Variants in TNR observed in about 807,000 individuals in gnomAD.
The protein encoded by TNR is tenascin R.
A neutral mutation model predicts 150.4 loss-of-function variants in TNR; 45 were observed. The observed-to-expected ratio is 0.30, with a 90% CI of 0.24 to 0.38. TNR has a LOEUF of 0.38. Among genes scored for constraint, TNR ranks in the 10% least tolerant of loss-of-function variants. The pLI, the probability that TNR is intolerant of heterozygous loss-of-function variation, is 1.00. For missense variants in TNR, 1,544 were observed against 1,759.1 expected (o/e 0.88, Z 2.19); for synonymous variants, 687 against 678.4 (o/e 1.01, Z -0.20).
chr1:175,500,987 C>T (rs1203593769), intron 2 of TNR, among the ~76,000 whole-genome samples: 4 of 152,152 alleles, frequency 2.6e-5, no homozygotes, highest in Admixed American at 6.5e-5. Context: ...CATTTCCATC[C>T]CCTGGTATAC....
chr1:175,396,240 CT>C (rs1290663830), intron 5 of TNR, among the ~76,000 whole-genome samples: 2 of 152,230 alleles, frequency 1.3e-5, no homozygotes, highest in Non-Finnish European at 2.9e-5. Flanking sequence ...ATGTCTTACA[CT>C]TTCCTTGACT....
chr1:175,610,889 A>G (rs1401375361), intron 1 of TNR, among the ~76,000 whole-genome samples: 3 of 152,208 alleles, frequency 2.0e-5, no homozygotes, highest in Non-Finnish European at 2.9e-5. Context: ...GAAAGAATAC[A>G]TTCTGTAGGG....
chr1:175,447,345 C>G (rs1426025041), intron 2 of TNR, among the ~76,000 whole-genome samples: 1 of 152,096 alleles, frequency 6.6e-6, no homozygotes, highest in Non-Finnish European at 1.5e-5. Context: ...CCATTCTCCC[C>G]ACTCCTCCTT....
intron 2 of TNR, among the ~76,000 whole-genome samples, chr1:175,424,591 C>T (rs1654888375): frequency 6.6e-6 from 1 of 152,148 alleles, no homozygotes; most frequent in Non-Finnish European, 1.5e-5. Flanking sequence ...GTCTGCTCTC[C>T]CTGACTCTGG....
chr1:175,532,032 ACCTGCTGGGCCAGGTGAGAT>A lies in TNR; in HGVS notation c.-164-3683_-164-3664del, dbSNP rs1413697637. Among the ~76,000 whole-genome samples, 3 of 152,242 alleles carry A rather than the reference ACCTGCTGGGCCAGGTGAGAT, an allele frequency of 2.0e-5. No homozygotes were observed. The East Asian group carries it at 5.8e-4, about 29-fold the overall frequency. On this transcript the variant is annotated intron_variant, in intron 1 of 22. Transcript: ENST00000367674. ...GAGTCATGGACTTTAGAAGAAAGAC[ACCTGCTGGGCCAGGTGAGAT>A]CCAACAATCAAAAACTGCAGAGATT...
intron 1 of TNR, among the ~76,000 whole-genome samples, chr1:175,689,072 C>T (rs1666282857): frequency 6.6e-6 from 1 of 152,234 alleles, no homozygotes; most frequent in African/African-American, 2.4e-5. Context: ...TCTTGGCATC[C>T]TGCAGGCCTC....
intron 1 of TNR, among the ~76,000 whole-genome samples, chr1:175,665,498 C>G (rs1367819328): frequency 1.3e-5 from 2 of 152,178 alleles, no homozygotes; most frequent in African/African-American, 4.8e-5. Context: ...CATCAGAGGA[C>G]AGCCGAGGGA....
intron 1 of TNR, among the ~76,000 whole-genome samples, chr1:175,687,907 CG>C (rs1461456615): frequency 2.6e-5 from 4 of 151,954 alleles, no homozygotes; most frequent in African/African-American, 9.7e-5. Context: ...GCAAGCTGGG[CG>C]TGAATACACC....
In TNR at chr1:175,479,033, G is replaced by A. The variant is rs887779940; in HGVS notation, c.-64+49236C>T. Reference sequence around the variant, plus strand: ...ATTACCTTATTTCATCTTTACAATAGGTGCTTGACACTATTACCTCCATTT... The same window carrying A: ...ATTACCTTATTTCATCTTTACAATAAGTGCTTGACACTATTACCTCCATTT... On this transcript the variant is annotated intron_variant, in intron 2 of 22. Coordinates refer to ENST00000367674, the MANE Select transcript of TNR (RefSeq NM_003285.3). 5.9e-5 allele frequency among the ~76,000 whole-genome samples: 9 copies of A among 152,198 alleles called. No homozygotes were observed. In the South Asian group the frequency reaches 1.7e-3, roughly 28 times the overall value.
chr1:175,590,787 C>T lies in TNR; in HGVS notation c.-164-62418G>A, dbSNP rs551021120. On this transcript the variant is annotated intron_variant, in intron 1 of 22. Transcript: ENST00000367674. ...AAAGTGAAAGCAAAGCAGGTAATAG[C>T]AGGAGGTAAGCTCAGAGAGGTAGTC... Among the ~76,000 whole-genome samples, 5 of 152,342 alleles carry T rather than the reference C, an allele frequency of 3.3e-5. No homozygotes were observed. In the East Asian group the frequency reaches 9.6e-4, roughly 29 times the overall value.
intron 2 of TNR, among the ~76,000 whole-genome samples, chr1:175,438,893 G>A (rs1453412160): frequency 6.6e-6 from 1 of 151,928 alleles, no homozygotes; most frequent in African/African-American, 2.4e-5. Context: ...ACAAATGGAA[G>A]AACATTCCAT....
At chr1:175,364,982 CA>C (rs1651763998) in intron 12 of TNR, 27 bp downstream of exon 12, 5 of 1,574,254 alleles carry the variant, frequency 3.2e-6, no homozygotes, top group Non-Finnish European at 3.5e-6. Flanking sequence ...CCCCTTTCAT[CA>C]CCTGCTGCCA....
chr1:175,363,971 C>T, intron 12 of TNR, 144 bp from the exon 13 acceptor site: 1 of 994,428 alleles, frequency 1.0e-6, no homozygotes, highest in East Asian at 2.8e-5. Flanking sequence ...ATCTTAAAAC[C>T]ATGGTCACGC....
intron 1 of TNR, among the ~76,000 whole-genome samples, chr1:175,619,341 G>C (rs1473051446): frequency 6.6e-6 from 1 of 152,112 alleles, no homozygotes; most frequent in Non-Finnish European, 1.5e-5. Flanking sequence ...ATAAAACTTC[G>C]TGCAGAATGT....
At chr1:175,679,212 G>A (rs1022676506) in intron 1 of TNR, among the ~76,000 whole-genome samples, 3 of 152,230 alleles carry the variant, frequency 2.0e-5, no homozygotes, top group Non-Finnish European at 2.9e-5. Context: ...GTGCTTCGGA[G>A]CAAAGCTGCA....
intron 2 of TNR, among the ~76,000 whole-genome samples, chr1:175,510,941 G>A (rs540444374): frequency 4.2e-4 from 64 of 152,332 alleles, no homozygotes; most frequent in African/African-American, 1.4e-3. Context: ...CTAGTTTAGA[G>A]TAGAATTACT....
chr1:175,402,361 C>CT (rs765661528), intron 4 of TNR, among the ~76,000 whole-genome samples: 1,430 of 126,256 alleles, frequency 0.011, 20 homozygotes, highest in African/African-American at 0.033. Flanking sequence ...CAATGAGATA[C>CT]TTTTTTTTTT....
intron 1 of TNR, among the ~76,000 whole-genome samples, chr1:175,603,596 C>T (rs1442195537): frequency 2.0e-5 from 3 of 152,200 alleles, no homozygotes; most frequent in African/African-American, 7.2e-5. Flanking sequence ...AAGAGTGATG[C>T]TAGTGGTTAA....
chr1:175,509,794 C>T (rs1231143610), intron 2 of TNR, among the ~76,000 whole-genome samples: 2 of 152,200 alleles, frequency 1.3e-5, no homozygotes, highest in African/African-American at 4.8e-5. Flanking sequence ...ATGTAGAGAT[C>T]TCTGGACCAG....
Sources: gnomAD v4.1 joint callset for allele counts (sites outside exome capture counted in the v4.1 genomes callset) on GRCh38, gnomAD v4.1.1 for gene constraint, MANE v1.5 for transcripts, NCBI Gene and HGNC (gene_info 2026-07-23, HGNC 2026-07-21) for gene names.